Variants in CNTRL observed in about 807,000 individuals in gnomAD.
The protein encoded by CNTRL is centriolin, also known as 110 kDa centrosomal protein.
Under a neutral mutation model 303.7 loss-of-function variants are expected in CNTRL, and 233 were observed. The ratio of observed to expected loss-of-function variants is 0.77; its 90% CI spans 0.69 to 0.86. The LOEUF (loss-of-function observed/expected upper bound fraction) is 0.86. CNTRL is among the 40% of genes least tolerant of loss of function. The pLI is 0.00. For synonymous variants in CNTRL, 900 were observed against 922.2 expected (o/e 0.98, Z 0.44); for missense variants, 2,524 against 2,650.6 (o/e 0.95, Z 1.05).
At chr9:121,092,889 A>G (rs9696847) in intron 4 of CNTRL, among the ~76,000 whole-genome samples, 59,185 of 92,446 alleles carry the variant, frequency 0.64, 20,652 homozygotes, top group East Asian at 0.96. Flanking sequence ...TCACTGCAAC[A>G]TCCTACTCCC....
intron 15 of CNTRL, among the ~76,000 whole-genome samples, chr9:121,136,823 T>G (rs73660405): frequency 2.0e-5 from 3 of 152,180 alleles, no homozygotes; most frequent in Admixed American, 6.5e-5. Flanking sequence ...CTCTGATTGG[T>G]AAACTTTAGT....
chr9:121,174,757 G>A (rs1254576961), intron 42 of CNTRL, among the ~76,000 whole-genome samples: 1 of 152,136 alleles, frequency 6.6e-6, no homozygotes, highest in Admixed American at 6.5e-5. Context: ...AGAAGCAAGG[G>A]ATACAGAAAT....
At chr9:121,123,862 G>C in intron 12 of CNTRL, 69 bp from the exon 13 acceptor site, 1 of 1,170,064 alleles carries the variant, frequency 8.5e-7, no homozygotes, top group South Asian at 1.9e-5. Context: ...TAAAAATGTT[G>C]TTAAGGGTTA....
Position 121,173,752 on chromosome 9 carries a change from C to G in CNTRL, c.6747+15C>G, listed in dbSNP as rs1416042513. Reference sequence around the variant, plus strand: ...ACCGACTCAAGGTTGCCCTTTAAAACAAACAAAAAATCAGTATGAGATACT... The same window carrying G: ...ACCGACTCAAGGTTGCCCTTTAAAAGAAACAAAAAATCAGTATGAGATACT... On this transcript the variant is annotated intron_variant, in intron 42 of 43. Transcript: ENST00000373855. 1 of 1,613,316 alleles carries G rather than the reference C, an allele frequency of 6.2e-7. No homozygotes were observed. The highest frequency in any genetic ancestry group is 8.5e-7 in the Non-Finnish European group (1 of 1,179,360).
At chr9:121,155,528 A>G (rs2052525509) in intron 27 of CNTRL, among the ~76,000 whole-genome samples, 1 of 152,042 alleles carries the variant, frequency 6.6e-6, no homozygotes, top group African/African-American at 2.4e-5. Context: ...GGGTTTCACC[A>G]TGTTGGTCAG....
chr9:121,159,065 A>G, intron 31 of CNTRL, 46 bp downstream of exon 31: 1 of 1,531,228 alleles, frequency 6.5e-7, no homozygotes, highest in South Asian at 1.2e-5. Flanking sequence ...GGACAGTGCT[A>G]TAGGTTTACT....
Position 121,157,979 on chromosome 9 carries a change from G to T in CNTRL, c.4638-4G>T. 1 of 1,614,124 alleles carries T rather than the reference G, an allele frequency of 6.2e-7. No individual in the cohort carries two copies. Among genetic ancestry groups the T allele is most frequent in the Non-Finnish European group, 8.5e-7 (1 of 1,180,010 alleles). On this transcript the variant is annotated splice_polypyrimidine_tract_variant and splice_region_variant and intron_variant, in intron 29 of 43. Coordinates refer to ENST00000373855, the MANE Select transcript of CNTRL (RefSeq NM_007018.6). ...TCTGCTCTAGTGTTGCTGGTGCTTT[G>T]TAGGCTTCAGAAACTACAGAAAGAC...
In CNTRL at chr9:121,118,436, G is replaced by C. The variant is rs776155552; in HGVS notation, c.1546G>C (p.Glu516Gln). The C allele has an allele frequency of 1.5e-5, 25 of 1,613,400 alleles. No homozygotes were observed. Among genetic ancestry groups the C allele is most frequent in the Non-Finnish European group, 1.9e-5 (23 of 1,179,662 alleles). Residue 516 changes from glutamate (E) to glutamine (Q), a missense_variant, in exon 12 of 44, where the codon GAA becomes CAA. Glu to Gln is a conservative substitution (Grantham distance 29). Coordinates refer to ENST00000373855, the MANE Select transcript of CNTRL (RefSeq NM_007018.6). Reference protein sequence around the residue: ...NKLRQEALDLELQMEKQKQEI... With the variant: ...NKLRQEALDLQLQMEKQKQEI... ...ATTACGCCAGGAAGCTCTGGATCTA[G>C]AACTGCAGATGGAAAAGCAAAAGCA...
In CNTRL at chr9:121,152,684, A is replaced by C. The variant is rs1352575125; in HGVS notation, c.4163A>C (p.Gln1388Pro). ...EELHRTVQKR[Q>P]QQKDFIDGNV... ...TTACATAGAACTGTCCAGAAACGTC[A>C]ACAGCAAAAGTAATTAATATATTTT... The change falls in exon 26 of 44, where the codon CAA becomes CCA. Residue 1388 changes from glutamine (Q) to proline (P), a missense_variant. By Grantham distance (76) the Gln-to-Pro change is moderately conservative. Coordinates refer to ENST00000373855, the MANE Select transcript of CNTRL (RefSeq NM_007018.6). 5 of 1,604,762 alleles carry C rather than the reference A, an allele frequency of 3.1e-6. No individual in the cohort carries two copies. The African/African-American group carries it at 5.4e-5, about 17-fold the overall frequency.
chr9:121,121,989 A>AAGG, intron 12 of CNTRL: 1 of 915,210 alleles, frequency 1.1e-6, no homozygotes, highest in Non-Finnish European at 1.3e-6. Context: ...AAGGACTTAA[A>AAGG]AGGAGGAGGA....
rs182255319 is a variant in CNTRL, at chr9:121,137,349, A to T, written c.2203-1196A>T. 1.4e-3 allele frequency among the ~76,000 whole-genome samples: 209 copies of T among 152,178 alleles called. 2 individuals are homozygous for T. Among genetic ancestry groups the T allele is most frequent in the African/African-American group, 4.6e-3 (192 of 41,508 alleles). Reference sequence around the variant, plus strand: ...TCATCTGTTTAGATGCTCCTAGATGATCTGTTTGTTTTACCCCAGCTAGAC... The same window carrying T: ...TCATCTGTTTAGATGCTCCTAGATGTTCTGTTTGTTTTACCCCAGCTAGAC... On this transcript the variant is annotated intron_variant, in intron 15 of 43. Transcript: ENST00000373855.
At chr9:121,176,927 TAC>T (rs2053549406) in intron 43 of CNTRL, among the ~76,000 whole-genome samples, 1 of 97,292 alleles carries the variant, frequency 1.0e-5, no homozygotes, top group South Asian at 9.5e-4. Flanking sequence ...GGATAGATGT[TAC>T]AGATTTTTTT....
chr9:121,156,876 C>T (rs898641879), intron 27 of CNTRL, among the ~76,000 whole-genome samples: 17 of 152,168 alleles, frequency 1.1e-4, no homozygotes, highest in East Asian at 3.8e-4. Flanking sequence ...ATTTTTACTT[C>T]GCTTGATAAT....
Position 121,143,896 on chromosome 9 carries a change from A to G in CNTRL, c.2872-7A>G. On this transcript the variant is annotated splice_region_variant and splice_polypyrimidine_tract_variant and intron_variant, in intron 19 of 43. Transcript: ENST00000373855. ...CATCTGTTTAATTAATATTTCTTTT[A>G]TTTTAGAAGAAACTTGAAGATGCCA... 6.3e-7 allele frequency: 1 copy of G among 1,579,724 alleles called. No individual in the cohort carries two copies. Among genetic ancestry groups the G allele is most frequent in the Non-Finnish European group, 8.6e-7 (1 of 1,166,964 alleles).
intron 16 of CNTRL, among the ~76,000 whole-genome samples, chr9:121,140,400 G>A (rs1019777797): frequency 6.6e-6 from 1 of 152,228 alleles, no homozygotes; most frequent in Non-Finnish European, 1.5e-5. Context: ...AGATAAAGAG[G>A]ACTCCAGATG....
At chr9:121,130,555 A>G (rs975046552) in intron 14 of CNTRL, among the ~76,000 whole-genome samples, 2 of 151,736 alleles carry the variant, frequency 1.3e-5, no homozygotes, top group Admixed American at 6.6e-5. Flanking sequence ...CGGTCTATCT[A>G]TTTTGTTGAT....
In CNTRL at chr9:121,125,884, A is replaced by G; in HGVS notation, c.1973A>G (p.Gln658Arg). ...TTGCAGAGATTGACAGAAGTCGAGC[A>G]GGAGAGAGACCAGCTGGAAATAGTT... ...TLLQRLTEVE[Q>R]ERDQLEIVAM... Residue 658 changes from glutamine to arginine, a missense_variant, in exon 14 of 44, where the codon CAG (glutamine) becomes CGG (arginine). Coordinates refer to ENST00000373855, the MANE Select transcript of CNTRL (RefSeq NM_007018.6). The G allele has an allele frequency of 1.2e-6, 2 of 1,614,230 alleles. No individual in the cohort carries two copies. Among genetic ancestry groups the G allele is most frequent in the Non-Finnish European group, 1.7e-6 (2 of 1,180,026 alleles).
At chr9:121,091,439 C>T (rs2048565446) in intron 4 of CNTRL, among the ~76,000 whole-genome samples, 1 of 152,070 alleles carries the variant, frequency 6.6e-6, no homozygotes, top group African/African-American at 2.4e-5. Context: ...TGGTGAAGGT[C>T]CCCCTAAGCA....
In CNTRL at chr9:121,088,492, G is replaced by A. The variant is rs10818503; in HGVS notation, c.166G>A (p.Val56Ile). 1,100,888 of 1,610,020 alleles carry A rather than the reference G, an allele frequency of 0.68. 384,323 individuals are homozygous for A. The highest frequency in any genetic ancestry group is 0.87 in the South Asian group (79,216 of 90,992). ...TTCTGGAGGACAGTGGTGTGAGCAA[G>A]TTGAGATTGCAGATGAAAACAATAT... ...FHSGGQWCEQ[V>I]EIADENNMLL... Residue 56 changes from valine (V) to isoleucine (I), a missense_variant, in exon 3 of 44, where the codon GTT (valine) becomes ATT (isoleucine). Val to Ile is a conservative substitution (Grantham distance 29). Coordinates refer to ENST00000373855, the MANE Select transcript of CNTRL (RefSeq NM_007018.6).
Sources: gnomAD v4.1 joint callset for allele counts (sites outside exome capture counted in the v4.1 genomes callset) on GRCh38, gnomAD v4.1.1 for gene constraint, MANE v1.5 for transcripts, NCBI Gene and HGNC (gene_info 2026-07-23, HGNC 2026-07-21) for gene names.